The following SLC25A26 variants were observed in gnomAD, a reference collection of about 807,000 sequenced individuals.
SLC25A26 encodes mitochondrial S-adenosylmethionine carrier protein.
SLC25A26 carries 36 observed loss-of-function variants against 37.8 expected under a neutral mutation model. The observed-to-expected ratio is 0.95, with a 90% CI of 0.73 to 1.26. SLC25A26 has a LOEUF of 1.26. SLC25A26 is among the 50% of genes most tolerant of loss of function. The pLI, the probability that SLC25A26 is intolerant of heterozygous loss-of-function variation, is 0.00. For synonymous variants in SLC25A26, 129 were observed against 122.5 expected (o/e 1.05, Z -0.35); for missense variants, 390 against 331.1 (o/e 1.18, Z -1.38).
At chr3:66,258,579 A>G (rs1451749332) in intron 3 of SLC25A26, among the ~76,000 whole-genome samples, 1 of 152,240 alleles carries the variant, frequency 6.6e-6, no homozygotes, top group Non-Finnish European at 1.5e-5. Context: ...GATGCAGGTG[A>G]AATTTTATAT....
Position 66,221,036 on chromosome 3 carries a change from A to T in SLC25A26, c.-59A>T, listed in dbSNP as rs1262929703. ...CAAACATGGCGGCGCCCAGCGCGCG[A>T]GGACGTGATCCGCTTCTGCTCCGGC... On this transcript the variant is annotated 5_prime_UTR_variant, in exon 1 of 10. Coordinates refer to ENST00000354883, the MANE Select transcript of SLC25A26 (RefSeq NM_001379210.1). 1 of 1,526,318 alleles carries T rather than the reference A, an allele frequency of 6.6e-7. No individual in the cohort carries two copies. Among genetic ancestry groups the T allele is most frequent in the Non-Finnish European group, 8.8e-7 (1 of 1,137,678 alleles). The allele number at this position is 1,526,318 out of a possible 1,614,324, so 94.5% of individuals were successfully genotyped here.
intron 3 of SLC25A26, 123 bp from the exon 4 acceptor site, chr3:66,261,927 CT>C (rs545980405): frequency 1.5e-4 from 89 of 576,910 alleles, no homozygotes; most frequent in South Asian, 1.1e-3. Flanking sequence ...AAAAAAGAAA[CT>C]TTTTGACATC....
chr3:66,136,824 A>G lies in SLC25A26; in HGVS notation c.-354+2840A>G, dbSNP rs543572367. Among the ~76,000 whole-genome samples the G allele has an allele frequency of 4.6e-5, 7 of 152,312 alleles. No individual in the cohort carries two copies. In the South Asian group the frequency reaches 1.2e-3, roughly 27 times the overall value. ...CAGGACTTGTTAAGACCTTCTGTTT[A>G]TTTCAAGAAGAAAGCCTCAGTGAGG... On this transcript the variant is annotated intron_variant, in intron 1 of 10. Coordinates refer to the SLC25A26 transcript ENST00000676754.
At chr3:66,168,283 G>C (rs1282112006) in intron 1 of SLC25A26, among the ~76,000 whole-genome samples, 1 of 151,350 alleles carries the variant, frequency 6.6e-6, no homozygotes, top group Non-Finnish European at 1.5e-5. Context: ...AATCTTCAGG[G>C]AACCACTACT....
Position 66,243,202 on chromosome 3 carries a change from G to A in SLC25A26, c.191-1G>A. The stretch of plus-strand genomic sequence containing the variant: ...AAAGACTGGCTTGTTTTAAATTTCA[G>A]CTGCTGCATTTTTTATCACCTATGA... On this transcript the variant is annotated splice_acceptor_variant, in intron 2 of 9. Transcript: ENST00000354883. LOFTEE classifies it high-confidence loss of function. 6.4e-7 allele frequency: 1 copy of A among 1,552,578 alleles called. No individual in the cohort carries two copies. Among genetic ancestry groups the A allele is most frequent in the Non-Finnish European group, 8.8e-7 (1 of 1,132,242 alleles).
intron 5 of SLC25A26, among the ~76,000 whole-genome samples, chr3:66,321,419 C>CA (rs929188466): frequency 3.9e-5 from 6 of 152,200 alleles, no homozygotes; most frequent in African/African-American, 7.2e-5. Flanking sequence ...ACTGGGCTCT[C>CA]AGAGTGCGCT....
At chr3:66,280,346 T>C (rs2074295219) in intron 5 of SLC25A26, among the ~76,000 whole-genome samples, 1 of 152,220 alleles carries the variant, frequency 6.6e-6, no homozygotes, top group Non-Finnish European at 1.5e-5. Flanking sequence ...TAATTCTCAA[T>C]CATTATTGCC....
chr3:66,235,810 G>C (rs2072251964), intron 1 of SLC25A26, among the ~76,000 whole-genome samples: 1 of 152,224 alleles, frequency 6.6e-6, no homozygotes, highest in African/African-American at 2.4e-5. Flanking sequence ...GAAGGATACA[G>C]CAAGAAACCA....
intron 5 of SLC25A26, among the ~76,000 whole-genome samples, chr3:66,326,897 C>T (rs994740734): frequency 2.0e-5 from 3 of 152,314 alleles, no homozygotes; most frequent in African/African-American, 4.8e-5. Flanking sequence ...TCCACACCTA[C>T]TTATAGGCCA....
upstream of SLC25A26, among the ~76,000 whole-genome samples, chr3:66,219,235 T>C (rs2071407897): frequency 6.6e-6 from 1 of 152,164 alleles, no homozygotes; most frequent in Admixed American, 6.5e-5. Flanking sequence ...TTTATAGGAA[T>C]GTGAAGTAGG....
chr3:66,227,933 C>G (rs1304531144), intron 1 of SLC25A26, among the ~76,000 whole-genome samples: 3 of 152,138 alleles, frequency 2.0e-5, no homozygotes, highest in Non-Finnish European at 4.4e-5. Context: ...TGCCTCTTAT[C>G]TTTTCTGGAT....
At chr3:66,280,893 C>T (rs556249150) in intron 5 of SLC25A26, among the ~76,000 whole-genome samples, 100 of 152,218 alleles carry the variant, frequency 6.6e-4, no homozygotes, top group African/African-American at 2.2e-3. Flanking sequence ...TCCTACTTCT[C>T]ATAACTACAA....
chr3:66,240,557 G>GT (rs908369558), intron 2 of SLC25A26, among the ~76,000 whole-genome samples: 1 of 152,066 alleles, frequency 6.6e-6, no homozygotes, highest in African/African-American at 2.4e-5. Flanking sequence ...GATTACTGAT[G>GT]TGGGCCACTG....
intron 1 of SLC25A26, among the ~76,000 whole-genome samples, chr3:66,172,638 G>A (rs1432584801): frequency 1.3e-5 from 2 of 152,212 alleles, no homozygotes; most frequent in Admixed American, 6.5e-5. Context: ...AGAGTCCAGA[G>A]ATCAAGTGTC....
At chr3:66,257,504 T>A (rs2073350465) in intron 3 of SLC25A26, among the ~76,000 whole-genome samples, 1 of 152,106 alleles carries the variant, frequency 6.6e-6, no homozygotes, top group African/African-American at 2.4e-5. Flanking sequence ...AGATCCAGGT[T>A]TGATGCAGGA....
At position 66,286,891 on chromosome 3, in the gene SLC25A26, G is replaced by A. The variant is rs541330303; in HGVS notation, c.453+23512G>A. 7.2e-5 allele frequency among the ~76,000 whole-genome samples: 11 copies of A among 152,118 alleles called. No homozygotes were observed. The East Asian group carries it at 1.6e-3, about 22-fold the overall frequency. On this transcript the variant is annotated intron_variant, in intron 5 of 9. Coordinates refer to ENST00000354883, the MANE Select transcript of SLC25A26 (RefSeq NM_001379210.1). Reference sequence around the variant, plus strand: ...TTGGCCAGTCTGGTGTTGAACCCCTGGCCTCATGTGATCTGCCCAACACAG... The same window carrying A: ...TTGGCCAGTCTGGTGTTGAACCCCTAGCCTCATGTGATCTGCCCAACACAG...
At chr3:66,269,704 A>T (rs1480588424) in intron 5 of SLC25A26, among the ~76,000 whole-genome samples, 2 of 152,150 alleles carry the variant, frequency 1.3e-5, no homozygotes, top group Admixed American at 1.3e-4. Context: ...TTTCCTGCTT[A>T]TCATGATTGT....
intron 1 of SLC25A26, among the ~76,000 whole-genome samples, chr3:66,200,383 G>A (rs1428847140): frequency 6.6e-6 from 1 of 152,224 alleles, no homozygotes; most frequent in Non-Finnish European, 1.5e-5. Context: ...AAGAATGGTG[G>A]GTGGCACAGC....
intron 5 of SLC25A26, among the ~76,000 whole-genome samples, chr3:66,283,002 A>T (rs1026906168): frequency 6.6e-6 from 1 of 152,194 alleles, no homozygotes; most frequent in African/African-American, 2.4e-5. Context: ...GATTCATCCC[A>T]GTTATTGCAT....
Sources: allele counts gnomAD v4.1 joint callset (sites outside exome capture counted in the v4.1 genomes callset), GRCh38; gene constraint gnomAD v4.1.1; transcripts MANE v1.5; gene names NCBI Gene and HGNC (gene_info 2026-07-23, HGNC 2026-07-21).